The following WWOX variants were observed in gnomAD, a reference collection of about 807,000 sequenced individuals.
WWOX encodes the protein WW domain containing oxidoreductase, also known as WW domain-containing oxidoreductase.
In WWOX, 69 loss-of-function variants were observed where a neutral mutation model predicts 46.2. The ratio of observed to expected loss-of-function variants is 1.49; its 90% CI spans 1.23 to 1.82. The LOEUF is 1.82. WWOX is among the 40% of genes most tolerant of loss of function. The probability of loss-of-function intolerance (pLI) is 0.00; values close to 1 mark genes in which losing one functional copy is unlikely to be tolerated. For missense variants in WWOX, 919 were observed against 542.6 expected, an observed-to-expected ratio of 1.69 and a Z score of -6.89; for synonymous variants, 359 against 202.6, an observed-to-expected ratio of 1.77 and a Z score of -6.56.
intron 6 of WWOX, among the ~76,000 whole-genome samples, chr16:78,417,428 T>C (rs986454998): frequency 1.3e-5 from 2 of 152,022 alleles, no homozygotes; most frequent in African/African-American, 2.4e-5. Flanking sequence ...TTTCTGTCTG[T>C]AAATGGCAAT....
At chr16:78,539,969 C>G (rs1183444119) in intron 8 of WWOX, among the ~76,000 whole-genome samples, 1 of 151,680 alleles carries the variant, frequency 6.6e-6, no homozygotes, top group Non-Finnish European at 1.5e-5. Flanking sequence ...GTTTCTAGCT[C>G]CCCTTTCCAA....
intron 8 of WWOX, among the ~76,000 whole-genome samples, chr16:79,155,290 C>G (rs569379989): frequency 4.8e-4 from 73 of 152,140 alleles, no homozygotes; most frequent in Non-Finnish European, 9.0e-4. Context: ...GCAGGAGAAT[C>G]ACTTGAACCA....
At chr16:78,903,079 T>C (rs770790105) in intron 8 of WWOX, among the ~76,000 whole-genome samples, 4 of 152,308 alleles carry the variant, frequency 2.6e-5, no homozygotes, top group East Asian at 3.9e-4. Context: ...CTGAGGTTTA[T>C]TGAAAGCAAA....
rs1253261561 is a variant in WWOX at position 79,123,650 on chromosome 16, C to G, written c.1057-87958C>G. 2.0e-5 allele frequency among the ~76,000 whole-genome samples: 3 copies of G among 152,184 alleles called. No individual in the cohort carries two copies. In the East Asian group the frequency reaches 5.8e-4, roughly 29 times the overall value. Reference sequence around the variant, plus strand: ...TTGACCCCAAGGCTCCAGGCTTTTTCCCTATTTCTTTCTCACCCACAGCCA... The same window carrying G: ...TTGACCCCAAGGCTCCAGGCTTTTTGCCTATTTCTTTCTCACCCACAGCCA... On this transcript the variant is annotated intron_variant, in intron 8 of 8. Transcript: ENST00000566780.
At chr16:78,677,166 C>T (rs1429595619) in intron 8 of WWOX, among the ~76,000 whole-genome samples, 1 of 151,926 alleles carries the variant, frequency 6.6e-6, no homozygotes, top group Non-Finnish European at 1.5e-5. Flanking sequence ...GCTTGCTGTC[C>T]CCTGGGCAGG....
chr16:78,208,059 C>T (rs1313669679), intron 5 of WWOX, among the ~76,000 whole-genome samples: 12 of 152,324 alleles, frequency 7.9e-5, no homozygotes, highest in South Asian at 2.1e-4. Context: ...GTCATCCGCC[C>T]GCCTTGGCTT....
chr16:78,730,617 A>AAATTT (rs1555524922), intron 8 of WWOX, among the ~76,000 whole-genome samples: 1 of 123,062 alleles, frequency 8.1e-6, no homozygotes. Context: ...ACGCCCGGCA[A>AAATTT]TTTTTTTTTT....
intron 8 of WWOX, among the ~76,000 whole-genome samples, chr16:79,152,576 C>T (rs1458933143): frequency 6.6e-6 from 1 of 151,620 alleles, no homozygotes; most frequent in Non-Finnish European, 1.5e-5. Flanking sequence ...GAGGTTGAGG[C>T]AGGAGAATCG....
chr16:79,141,708 T>G (rs1190145902), intron 8 of WWOX, among the ~76,000 whole-genome samples: 1 of 151,766 alleles, frequency 6.6e-6, no homozygotes, highest in Non-Finnish European at 1.5e-5. Flanking sequence ...CAGTGCTTCT[T>G]GGTGTTGTGA....
At chr16:78,119,349 GAC>G (rs1046349749) in intron 4 of WWOX, among the ~76,000 whole-genome samples, 2 of 152,144 alleles carry the variant, frequency 1.3e-5, no homozygotes, top group Non-Finnish European at 2.9e-5. Flanking sequence ...TTCGTTTTTA[GAC>G]ACAGCCTATC....
At chr16:78,584,708 G>A (rs1184348451) in intron 8 of WWOX, among the ~76,000 whole-genome samples, 2 of 152,232 alleles carry the variant, frequency 1.3e-5, no homozygotes, top group Admixed American at 1.3e-4. Context: ...AGTCAGAATA[G>A]CAGTTAGCTT....
chr16:78,293,679 A>G (rs949961570), intron 5 of WWOX, among the ~76,000 whole-genome samples: 1 of 152,150 alleles, frequency 6.6e-6, no homozygotes, highest in Non-Finnish European at 1.5e-5. Flanking sequence ...TTTTCATTCA[A>G]GACTTCCCTA....
intron 8 of WWOX, among the ~76,000 whole-genome samples, chr16:78,628,248 C>T (rs529424259): frequency 3.3e-5 from 5 of 152,328 alleles, no homozygotes; most frequent in South Asian, 4.1e-4. Context: ...AGTAAGGCCT[C>T]TCCCTCATGT....
chr16:78,376,746 A>G (rs1233741909), intron 5 of WWOX, among the ~76,000 whole-genome samples: 1 of 152,148 alleles, frequency 6.6e-6, no homozygotes, highest in East Asian at 1.9e-4. Flanking sequence ...ACATTAGCAG[A>G]TGTCTGCTAG....
At chr16:78,533,022 C>T (rs1217106044) in intron 8 of WWOX, among the ~76,000 whole-genome samples, 1 of 152,178 alleles carries the variant, frequency 6.6e-6, no homozygotes, top group South Asian at 2.1e-4. Flanking sequence ...GGAGCTGCCA[C>T]CGTCAGTAGA....
intron 8 of WWOX, among the ~76,000 whole-genome samples, chr16:78,496,862 A>G (rs1336226490): frequency 1.3e-5 from 2 of 152,270 alleles, no homozygotes; most frequent in African/African-American, 2.4e-5. Context: ...TGCCATGTGC[A>G]TGGAAGGAGA....
intron 8 of WWOX, among the ~76,000 whole-genome samples, chr16:78,808,378 G>A (rs1210595888): frequency 1.3e-5 from 2 of 152,226 alleles, no homozygotes; most frequent in African/African-American, 4.8e-5. Context: ...ATAGGTCTTA[G>A]ATATAGGTGC....
chr16:78,466,247 G>A (rs557852622), intron 8 of WWOX, among the ~76,000 whole-genome samples: 1 of 151,964 alleles, frequency 6.6e-6, no homozygotes, highest in East Asian at 1.9e-4. Context: ...TACCCAGGAT[G>A]GTCTCGATCT....
At chr16:78,805,726 T>G (rs2051017167) in intron 8 of WWOX, among the ~76,000 whole-genome samples, 1 of 152,222 alleles carries the variant, frequency 6.6e-6, no homozygotes, top group Non-Finnish European at 1.5e-5. Context: ...ACTGTCACTC[T>G]TTGCCAACTT....
Sources: allele counts gnomAD v4.1 joint callset (sites outside exome capture counted in the v4.1 genomes callset), GRCh38; gene constraint gnomAD v4.1.1; transcripts MANE v1.5; gene names NCBI Gene and HGNC (gene_info 2026-07-23, HGNC 2026-07-21).